Variants in PLEKHD1 observed in about 807,000 individuals in gnomAD.
The protein encoded by PLEKHD1 is pleckstrin homology domain-containing family D member 1.
PLEKHD1 carries 51 observed loss-of-function variants against 69.2 expected under a neutral mutation model. The observed-to-expected ratio is 0.74, with a 90% confidence interval of 0.59 to 0.93. The LOEUF (loss-of-function observed/expected upper bound fraction) is 0.93. Among genes scored for constraint, PLEKHD1 ranks in the 40% least tolerant of loss-of-function variants. The pLI, the probability that PLEKHD1 is intolerant of heterozygous loss-of-function variation, is 0.00. For missense variants in PLEKHD1, 584 were observed against 641.0 expected (o/e 0.91, Z 0.96); for synonymous variants, 236 against 244.7 (o/e 0.96, Z 0.33).
At chr14:69,504,882 T>G (rs1883117033) in intron 6 of PLEKHD1, among the ~76,000 whole-genome samples, 1 of 152,222 alleles carries the variant, frequency 6.6e-6, no homozygotes. Context: ...TCTATACATT[T>G]CAAGCAAGGC....
intron 6 of PLEKHD1, among the ~76,000 whole-genome samples, chr14:69,506,855 A>T (rs184953894): frequency 2.7e-5 from 4 of 148,036 alleles, no homozygotes; most frequent in African/African-American, 1.0e-4. Context: ...TGCCCTAAAA[A>T]TGCTCATTTC....
intron 6 of PLEKHD1, among the ~76,000 whole-genome samples, chr14:69,516,370 T>C (rs2139522112): frequency 6.6e-6 from 1 of 152,288 alleles, no homozygotes; most frequent in Non-Finnish European, 1.5e-5. Flanking sequence ...ATTTTAGCCT[T>C]TTTTTCTCTA....
intron 2 of PLEKHD1, 71 bp from the exon 3 acceptor site, chr14:69,500,505 CA>C: frequency 1.5e-6 from 2 of 1,322,548 alleles, no homozygotes; most frequent in Non-Finnish European, 2.1e-6. Context: ...TGGCTTTGTC[CA>C]GGGGCCCCCA....
chr14:69,523,473 C>G (rs1392461672), intron 7 of PLEKHD1, among the ~76,000 whole-genome samples: 2 of 152,040 alleles, frequency 1.3e-5, no homozygotes, highest in African/African-American at 4.8e-5. Context: ...AAGTAAATAG[C>G]CAAGCACCTA....
In PLEKHD1 at chr14:69,500,591, G is replaced by A; in HGVS notation, c.258G>A (p.Leu86=). 6.5e-7 allele frequency: 1 copy of A among 1,550,238 alleles called. No homozygotes were observed. Among genetic ancestry groups the A allele is most frequent in the South Asian group, 1.2e-5 (1 of 83,840 alleles). Residue 86 remains leucine (L), a synonymous_variant, in exon 3 of 13, where the codon CTG becomes CTA. Coordinates refer to ENST00000322564, the MANE Select transcript of PLEKHD1 (RefSeq NM_001161498.2). The part of the protein sequence containing the change: ...FNIHPKGVIP[L]GGCLVEPKEE... ...TTCTTCCTCAGGGCGTCATCCCTCT[G>A]GGGGGCTGCCTGGTGGAGCCCAAGG... is the stretch of plus-strand genomic sequence containing the variant.
At chr14:69,525,494 TG>T (rs767473009) in intron 8 of PLEKHD1, among the ~76,000 whole-genome samples, 3 of 148,852 alleles carry the variant, frequency 2.0e-5, no homozygotes, top group Non-Finnish European at 4.5e-5. Flanking sequence ...GGGTGGGGGG[TG>T]GTTTGGGGAC....
intron 6 of PLEKHD1, among the ~76,000 whole-genome samples, chr14:69,515,973 T>C (rs572137058): frequency 1.3e-5 from 2 of 152,366 alleles, no homozygotes; most frequent in Admixed American, 1.3e-4. Flanking sequence ...TCTGATGATG[T>C]AAGAAGACTT....
chr14:69,478,168 TG>T, the PLEKHD1 span, among the ~76,000 whole-genome samples: 1 of 152,368 alleles, frequency 6.6e-6, no homozygotes, highest in African/African-American at 2.4e-5. Flanking sequence ...CTGAGGCTTG[TG>T]CCCTCTGAAG....
chr14:69,530,801 T>G lies in PLEKHD1; in HGVS notation c.*2382T>G, dbSNP rs1883773740. On this transcript the variant is annotated 3_prime_UTR_variant, in exon 13 of 13. Transcript: ENST00000322564. Reference sequence around the variant, plus strand: ...AGAGCAAGAGGGGCCAAACTTATTCTTTTATAACAAACCCACCCCCTCGAT... The same window carrying G: ...AGAGCAAGAGGGGCCAAACTTATTCGTTTATAACAAACCCACCCCCTCGAT... 6.6e-6 allele frequency: 1 copy of G among 152,236 alleles called. No homozygotes were observed. The highest frequency in any genetic ancestry group is 2.4e-5 in the African/African-American group (1 of 41,452). The allele number at this position is 152,236 out of a possible 1,614,324, so 9.4% of individuals were successfully genotyped here.
upstream of PLEKHD1, among the ~76,000 whole-genome samples, chr14:69,480,221 G>T (rs1222073231): frequency 6.6e-6 from 1 of 152,250 alleles, no homozygotes; most frequent in Non-Finnish European, 1.5e-5. Flanking sequence ...GTGGAAGGAG[G>T]CTTGGAGGAG....
intron 1 of PLEKHD1, 113 bp downstream of exon 1, chr14:69,485,227 C>T: frequency 2.4e-6 from 3 of 1,227,788 alleles, no homozygotes; most frequent in Non-Finnish European, 2.2e-6. Context: ...GTGACCTTGG[C>T]GTCACCCCTT....
chr14:69,494,434 C>A (rs1882843428), intron 1 of PLEKHD1, among the ~76,000 whole-genome samples: 1 of 152,088 alleles, frequency 6.6e-6, no homozygotes, highest in Non-Finnish European at 1.5e-5. Flanking sequence ...GGTGTAGGGA[C>A]TATTGACCAT....
intron 7 of PLEKHD1, 131 bp downstream of exon 7, chr14:69,522,508 C>T: frequency 1.0e-6 from 1 of 953,064 alleles, no homozygotes; most frequent in Non-Finnish European, 1.6e-6. Flanking sequence ...TGGGTCTATC[C>T]CAGTTTGAGT....
In PLEKHD1 at chr14:69,502,383, G is replaced by A. The variant is rs533727317; in HGVS notation, c.503-444G>A. 7.1e-5 allele frequency: 16 copies of A among 225,326 alleles called. No individual in the cohort carries two copies. In the Admixed American group the frequency reaches 8.3e-4, roughly 12 times the overall value. 14.0% of individuals were successfully genotyped at this position (225,326 alleles called of 1,614,324 possible). On this transcript the variant is annotated intron_variant, in intron 5 of 12. Coordinates refer to ENST00000322564, the MANE Select transcript of PLEKHD1 (RefSeq NM_001161498.2). ...ACATGCACTGTTTGGGAGAGAAGAT[G>A]AGACTGAGGGTTTGCCTTCAGCCTG...
intron 6 of PLEKHD1, among the ~76,000 whole-genome samples, chr14:69,516,984 A>C (rs75010449): frequency 0.12 from 17,802 of 152,230 alleles, 1,196 homozygotes; most frequent in Non-Finnish European, 0.14. Context: ...TGGCTGCAAT[A>C]TGGAGAAAAG....
chr14:69,468,544 CCTTT>C, the PLEKHD1 span, among the ~76,000 whole-genome samples: 52,619 of 150,016 alleles, frequency 0.35, 9,347 homozygotes, highest in South Asian at 0.52. Context: ...TTCCTTCCTT[CCTTT>C]CTTTCTTTCT....
chr14:69,503,828 C>T (rs551033904), intron 6 of PLEKHD1: 1 of 135,546 alleles, frequency 7.4e-6, no homozygotes, highest in South Asian at 2.3e-4. Context: ...TGTGCCATTG[C>T]ATTTCAGCCT....
In PLEKHD1 at chr14:69,527,238, AGG is replaced by A. The variant is rs1566567157; in HGVS notation, c.1110_1111del (p.Ala371LeufsTer15). On this transcript the variant is annotated frameshift_variant, in exon 11 of 13. Transcript: ENST00000322564. LOFTEE classifies it high-confidence loss of function. ...TGGAGAGGCGTCTCCGGGAGGCAGAAGGGGCCTTGCGAAGCCTGGAACAGGGG... is the reference window on the plus strand; with the variant it reads ...TGGAGAGGCGTCTCCGGGAGGCAGAAGGCCTTGCGAAGCCTGGAACAGGGG... The part of the protein sequence containing the change: ...DLERRLREAE[G>X]ALRSLEQGLN... 1 of 1,551,718 alleles carries A rather than the reference AGG, an allele frequency of 6.4e-7. No individual in the cohort carries two copies. The highest frequency in any genetic ancestry group is 2.0e-5 in the Admixed American group (1 of 50,998).
At chr14:69,524,136 A>G (rs879206729) in intron 7 of PLEKHD1, 93 bp from the exon 8 acceptor site, 1 of 1,036,218 alleles carries the variant, frequency 9.7e-7, no homozygotes, top group South Asian at 1.5e-5. Flanking sequence ...GAGCCCCATC[A>G]GGAAGTGAAG....
Sources: gnomAD v4.1 joint callset for allele counts (sites outside exome capture counted in the v4.1 genomes callset) on GRCh38, gnomAD v4.1.1 for gene constraint, MANE v1.5 for transcripts, NCBI Gene and HGNC (gene_info 2026-07-23, HGNC 2026-07-21) for gene names.